The following STK32B variants were observed in gnomAD, a reference collection of about 807,000 sequenced individuals.
The protein encoded by STK32B is serine/threonine-protein kinase 32B.
A neutral mutation model predicts 52.6 loss-of-function variants in STK32B; 43 were observed. The observed-to-expected ratio is 0.82, with a 90% CI of 0.64 to 1.05. The LOEUF (loss-of-function observed/expected upper bound fraction) is 1.05. Among genes scored for constraint, STK32B ranks in the 50% least tolerant of loss-of-function variants. STK32B has a pLI of 0.00. For missense variants in STK32B, 621 were observed against 534.6 expected (o/e 1.16, Z -1.59); for synonymous variants, 238 against 204.3 (o/e 1.17, Z -1.41).
intron 3 of STK32B, among the ~76,000 whole-genome samples, chr4:5,180,639 G>A (rs1187865678): frequency 6.6e-6 from 1 of 152,174 alleles, no homozygotes; most frequent in African/African-American, 2.4e-5. Context: ...GTGTGGAATT[G>A]CCTGTTGGGG....
chr4:5,134,178 A>AT (rs575073106), intron 1 of STK32B, among the ~76,000 whole-genome samples: 1 of 152,148 alleles, frequency 6.6e-6, no homozygotes, highest in Non-Finnish European at 1.5e-5. Context: ...GCAGGCCCAG[A>AT]TTTTTTTGGC....
chr4:5,319,332 A>G (rs192047239), intron 3 of STK32B, among the ~76,000 whole-genome samples: 26 of 152,316 alleles, frequency 1.7e-4, no homozygotes, highest in Admixed American at 2.6e-4. Context: ...CTGCTTACCA[A>G]TGAAGCAATA....
chr4:5,340,209 A>G (rs1488372338), intron 4 of STK32B, among the ~76,000 whole-genome samples: 1 of 152,232 alleles, frequency 6.6e-6, no homozygotes, highest in Non-Finnish European at 1.5e-5. Flanking sequence ...TGGAACAGGC[A>G]TCCCCACAAA....
At chr4:5,325,792 A>C (rs1385542645) in intron 3 of STK32B, among the ~76,000 whole-genome samples, 6 of 152,182 alleles carry the variant, frequency 3.9e-5, no homozygotes, top group Non-Finnish European at 7.3e-5. Context: ...TGTGATCTCC[A>C]TCATTTCCAT....
In STK32B at chr4:5,446,589, A is replaced by G. The variant is rs147758876; in HGVS notation, c.563-84A>G. ...AACAAAAAAAAAAAAAACAAGCTCA[A>G]TTTCTCTCCTTGTCCCCTCTCTAAG... is the stretch of plus-strand genomic sequence containing the variant. On this transcript the variant is annotated intron_variant, in intron 6 of 11. Coordinates refer to ENST00000282908, the MANE Select transcript of STK32B (RefSeq NM_018401.3). 2,587 of 1,217,338 alleles carry G rather than the reference A, an allele frequency of 2.1e-3. 48 individuals carry two copies. The African/African-American group carries it at 0.031, about 15-fold the overall frequency. 75.4% of individuals were successfully genotyped at this position (1,217,338 alleles called of 1,614,324 possible).
intron 11 of STK32B, among the ~76,000 whole-genome samples, chr4:5,484,341 A>C (rs1718970113): frequency 6.6e-6 from 1 of 152,176 alleles, no homozygotes; most frequent in Non-Finnish European, 1.5e-5. Flanking sequence ...ACCATTATGT[A>C]ATGGCCTTCT....
intron 1 of STK32B, among the ~76,000 whole-genome samples, chr4:5,122,276 A>C (rs575297136): frequency 3.2e-4 from 49 of 151,272 alleles, no homozygotes; most frequent in African/African-American, 1.1e-3. Flanking sequence ...TCATTCATTC[A>C]CTCACCCATT....
chr4:5,439,678 C>T (rs1234325381), intron 6 of STK32B, among the ~76,000 whole-genome samples: 1 of 152,166 alleles, frequency 6.6e-6, no homozygotes, highest in Admixed American at 6.5e-5. Flanking sequence ...AGTCCTTGCC[C>T]TTGCCTATGT....
intron 1 of STK32B, among the ~76,000 whole-genome samples, chr4:5,068,986 G>A (rs985638228): frequency 1.3e-5 from 2 of 152,110 alleles, no homozygotes; most frequent in African/African-American, 4.8e-5. Context: ...ATTAACAACG[G>A]TCACCAATGA....
chr4:5,136,281 T>C (rs965026765), intron 1 of STK32B, among the ~76,000 whole-genome samples: 1 of 152,376 alleles, frequency 6.6e-6, no homozygotes, highest in Middle Eastern at 3.4e-3. Flanking sequence ...CAGGTGCCAC[T>C]GTCCTTGTGT....
chr4:5,485,417 G>A (rs565007529), intron 11 of STK32B, among the ~76,000 whole-genome samples: 3 of 152,102 alleles, frequency 2.0e-5, no homozygotes, highest in African/African-American at 4.8e-5. Flanking sequence ...TGTAGTTCTC[G>A]TGCCATGGTT....
chr4:5,454,549 A>T lies in STK32B; in HGVS notation c.667-2258A>T, dbSNP rs532797755. On this transcript the variant is annotated intron_variant, in intron 7 of 11. Transcript: ENST00000282908. The stretch of plus-strand genomic sequence containing the variant: ...TACTTCTAGAAAGAGCCTATGTCCA[A>T]ATAAGGTCACATTCTGAGGTCCTGG... Among the ~76,000 whole-genome samples, 8 of 152,176 alleles carry T rather than the reference A, an allele frequency of 5.3e-5. No homozygotes were observed. In the East Asian group the frequency reaches 1.2e-3, roughly 22 times the overall value.
intron 11 of STK32B, among the ~76,000 whole-genome samples, chr4:5,484,469 A>C (rs1718980678): frequency 2.0e-5 from 3 of 151,608 alleles, no homozygotes; most frequent in Admixed American, 1.3e-4. Context: ...CTTTATTTTG[A>C]GCCTATGTGT....
chr4:5,159,808 T>TGTATATGAATATATATATGAATATATGA (rs1718292779), intron 2 of STK32B, among the ~76,000 whole-genome samples: 3 of 139,778 alleles, frequency 2.1e-5, no homozygotes, highest in African/African-American at 8.5e-5. Flanking sequence ...TGAATATATA[T>TGTATATGAATATATATATGAATATATGA]ATGTTATTGG....
intron 11 of STK32B, among the ~76,000 whole-genome samples, chr4:5,487,368 G>T (rs1395964300): frequency 6.6e-6 from 1 of 152,136 alleles, no homozygotes; most frequent in Non-Finnish European, 1.5e-5. Flanking sequence ...CACAAAGATT[G>T]GAGAGGCAGT....
rs3072779 is a variant in STK32B, at chr4:5,143,101, CTCTGTCTG to C, written c.108+3165_108+3172del. Among the ~76,000 whole-genome samples the C allele has an allele frequency of 4.9e-3, 662 of 135,686 alleles. 14 individuals are homozygous for C. Among genetic ancestry groups the C allele is most frequent in the Admixed American group, 0.032 (433 of 13,560 alleles). 89.0% of individuals were successfully genotyped at this position (135,686 alleles called of 152,430 possible). A position where few individuals can be genotyped will look rare whatever the true frequency, so the allele number is the denominator to read the frequency against. On this transcript the variant is annotated intron_variant, in intron 2 of 11. Transcript: ENST00000282908. ...AAAATAAATCTGTTTCTGTCTCTGT[CTCTGTCTG>C]TCTGTCTGTCTGTCTGTCTGTCTAT... is the stretch of plus-strand genomic sequence containing the variant.
At chr4:5,353,401 T>C (rs1447863011) in intron 4 of STK32B, among the ~76,000 whole-genome samples, 2 of 149,174 alleles carry the variant, frequency 1.3e-5, no homozygotes, top group Non-Finnish European at 2.9e-5. Flanking sequence ...AGACAAATGG[T>C]ACTATATTAA....
intron 1 of STK32B, among the ~76,000 whole-genome samples, chr4:5,113,541 A>G (rs936150262): frequency 2.0e-5 from 3 of 152,212 alleles, no homozygotes; most frequent in Admixed American, 2.0e-4. Flanking sequence ...TACAGAGCAT[A>G]ACCTAGCCAT....
At position 5,159,696 on chromosome 4, in the gene STK32B, AATATATATGAAT is replaced by A. The variant is rs1162083951; in HGVS notation, c.109-8590_109-8579del. 3.9e-5 allele frequency among the ~76,000 whole-genome samples: 4 copies of A among 101,378 alleles called. 1 individual carries two copies. Among genetic ancestry groups the A allele is most frequent in the African/African-American group, 9.9e-5 (2 of 20,244 alleles). The allele number at this position is 101,378 out of a possible 152,430, so 66.5% of individuals were successfully genotyped here. On this transcript the variant is annotated intron_variant, in intron 2 of 11. Transcript: ENST00000282908. ...ATGAATATATATATGAATATATATG[AATATATATGAAT>A]ATATATATGAATGTATATGAATATA...
Sources: gnomAD v4.1 joint callset for allele counts (sites outside exome capture counted in the v4.1 genomes callset) on GRCh38, gnomAD v4.1.1 for gene constraint, MANE v1.5 for transcripts, NCBI Gene and HGNC (gene_info 2026-07-23, HGNC 2026-07-21) for gene names.